The following FARP1 variants were observed in gnomAD, a reference collection of about 807,000 sequenced individuals.
FARP1 encodes the protein FERM, ARH/RhoGEF and pleckstrin domain protein 1.
Under a neutral mutation model 128.8 loss-of-function variants are expected in FARP1, and 52 were observed. The observed-to-expected ratio is 0.40, with a 90% CI of 0.32 to 0.51. The LOEUF (loss-of-function observed/expected upper bound fraction) is 0.51, where lower values mean the gene tolerates loss of function less well. Among genes scored for constraint, FARP1 ranks in the 20% least tolerant of loss-of-function variants. FARP1 has a pLI of 0.45. For synonymous variants in FARP1, 580 were observed against 551.8 expected, an observed-to-expected ratio of 1.05 and a Z score of -0.72; for missense variants, 1,333 against 1,367.9, an observed-to-expected ratio of 0.97 and a Z score of 0.40.
At chr13:98,341,617 G>A (rs1320428781) in intron 2 of FARP1, among the ~76,000 whole-genome samples, 1 of 152,124 alleles carries the variant, frequency 6.6e-6, no homozygotes, top group Non-Finnish European at 1.5e-5. Context: ...GGGTGAAAGA[G>A]GGAAACTCCG....
intron 1 of FARP1, among the ~76,000 whole-genome samples, chr13:98,168,550 G>A (rs1245291727): frequency 6.6e-6 from 1 of 152,218 alleles, no homozygotes; most frequent in Non-Finnish European, 1.5e-5. Flanking sequence ...CTCCCCTACT[G>A]TAATCTACTG....
chr13:98,287,306 T>C (rs1885227531), intron 2 of FARP1, among the ~76,000 whole-genome samples: 1 of 140,294 alleles, frequency 7.1e-6, no homozygotes, highest in South Asian at 2.4e-4. Flanking sequence ...TCTCGGCCAC[T>C]GCAACCTTCT....
chr13:98,168,455 A>G (rs2139155079), intron 1 of FARP1, among the ~76,000 whole-genome samples: 1 of 152,336 alleles, frequency 6.6e-6, no homozygotes, highest in Admixed American at 6.5e-5. Flanking sequence ...ATCATTAGAT[A>G]TCCTGTTTCA....
chr13:98,440,598 C>T, intron 23 of FARP1, 72 bp from the exon 24 acceptor site: 2 of 1,487,760 alleles, frequency 1.3e-6, no homozygotes, highest in Non-Finnish European at 9.1e-7. Context: ...AACCTTCCAG[C>T]ACCTCAGAGT....
chr13:98,346,328 T>G (rs1888177309), intron 3 of FARP1, among the ~76,000 whole-genome samples: 1 of 151,710 alleles, frequency 6.6e-6, no homozygotes, highest in Admixed American at 6.6e-5. Flanking sequence ...TAGCTGGGAT[T>G]ACAGGTGCCC....
At chr13:98,274,626 AATT>A (rs1371342604) in intron 2 of FARP1, among the ~76,000 whole-genome samples, 5 of 152,184 alleles carry the variant, frequency 3.3e-5, no homozygotes, top group African/African-American at 1.2e-4. Context: ...AAAAAACTGC[AATT>A]ACTTTTGCTC....
chr13:98,142,961 G>A (rs1289649598), upstream of FARP1: 1 of 150,166 alleles, frequency 6.7e-6, no homozygotes, highest in Non-Finnish European at 1.5e-5. Context: ...AGCGGGGCGG[G>A]GCGGGCGCAG....
chr13:98,319,881 T>G (rs73559028), intron 2 of FARP1, among the ~76,000 whole-genome samples: 1 of 151,886 alleles, frequency 6.6e-6, no homozygotes, highest in South Asian at 2.1e-4. Context: ...TGAAAATAAG[T>G]TGGAAAAAAA....
intron 2 of FARP1, among the ~76,000 whole-genome samples, chr13:98,223,578 GGCCTC>G (rs1881563515): frequency 6.6e-6 from 1 of 152,086 alleles, no homozygotes; most frequent in African/African-American, 2.4e-5. Context: ...CACCCGCCTC[GGCCTC>G]CCAAAGTCCT....
intron 2 of FARP1, among the ~76,000 whole-genome samples, chr13:98,275,220 G>A (rs1038046758): frequency 1.3e-5 from 2 of 152,032 alleles, no homozygotes; most frequent in African/African-American, 4.8e-5. Context: ...AACACGAACA[G>A]ATGAATTCAG....
intron 24 of FARP1, 134 bp from the exon 25 acceptor site, chr13:98,445,964 G>C: frequency 1.6e-6 from 1 of 614,136 alleles, no homozygotes; most frequent in East Asian, 2.8e-5. Context: ...ACACACGGGG[G>C]AGCGGGGGTG....
chr13:98,352,924 C>A (rs181485551), intron 3 of FARP1, among the ~76,000 whole-genome samples: 9 of 152,256 alleles, frequency 5.9e-5, no homozygotes. Context: ...AAGTAACCTC[C>A]ATGCAGAGTT....
intron 14 of FARP1, 21 bp downstream of exon 14, chr13:98,409,546 G>T: frequency 6.4e-7 from 1 of 1,574,428 alleles, no homozygotes. Context: ...GAGGGCTCAA[G>T]CGCGTGTGTG....
intron 2 of FARP1, among the ~76,000 whole-genome samples, chr13:98,316,447 A>G (rs1484427850): frequency 6.6e-6 from 1 of 152,230 alleles, no homozygotes; most frequent in Non-Finnish European, 1.5e-5. Context: ...AACTTGTTCC[A>G]GGTCACACAG....
At chr13:98,317,960 TTTCC>T (rs923392960) in intron 2 of FARP1, among the ~76,000 whole-genome samples, 6 of 141,182 alleles carry the variant, frequency 4.2e-5, no homozygotes, top group Admixed American at 1.4e-4. Context: ...CTCTCCTGCG[TTTCC>T]TTCCTTCCTT....
At chr13:98,415,736 C>T (rs1180084751) in intron 16 of FARP1, among the ~76,000 whole-genome samples, 4 of 152,288 alleles carry the variant, frequency 2.6e-5, no homozygotes, top group Non-Finnish European at 5.9e-5. Context: ...TTCACCCTGG[C>T]TACTGACTGA....
intron 2 of FARP1, among the ~76,000 whole-genome samples, chr13:98,306,225 A>G (rs944886991): frequency 6.6e-6 from 1 of 152,190 alleles, no homozygotes; most frequent in Non-Finnish European, 1.5e-5. Flanking sequence ...ACTAAACCAG[A>G]GTAACTGAAA....
Position 98,451,422 on chromosome 13 carries a change from A to G in FARP1, c.*3105A>G, listed in dbSNP as rs1248254613. On this transcript the variant is annotated 3_prime_UTR_variant, in exon 27 of 27. Transcript: ENST00000319562. Reference sequence around the variant, plus strand: ...TGAGTACAATAAGAATTAGCAACTCAGTTCTATTTCCCCAACCAAAATATA... The same window carrying G: ...TGAGTACAATAAGAATTAGCAACTCGGTTCTATTTCCCCAACCAAAATATA... 6.6e-6 allele frequency: 1 copy of G among 152,244 alleles called. No individual in the cohort carries two copies. The highest frequency in any genetic ancestry group is 1.5e-5 in the Non-Finnish European group (1 of 68,042). The allele number at this position is 152,244 out of a possible 1,614,324, so 9.4% of individuals were successfully genotyped here. A position where few individuals can be genotyped will look rare whatever the true frequency, so the allele number is the denominator to read the frequency against.
chr13:98,282,748 C>T (rs1300418949), intron 2 of FARP1, among the ~76,000 whole-genome samples: 1 of 151,926 alleles, frequency 6.6e-6, no homozygotes, highest in Non-Finnish European at 1.5e-5. Flanking sequence ...ACTAAAAATA[C>T]AAAAATTAGC....
Sources: allele counts gnomAD v4.1 joint callset (sites outside exome capture counted in the v4.1 genomes callset), GRCh38; gene constraint gnomAD v4.1.1; transcripts MANE v1.5; gene names NCBI Gene and HGNC (gene_info 2026-07-23, HGNC 2026-07-21).